Variants in SI observed in about 807,000 individuals in gnomAD.
The protein encoded by SI is sucrase-isomaltase.
SI carries 235 observed loss-of-function variants against 253.3 expected under a neutral mutation model. The ratio of observed to expected loss-of-function variants is 0.93; its 90% CI spans 0.83 to 1.03. The LOEUF is 1.03. Among genes scored for constraint, SI ranks in the 50% least tolerant of loss-of-function variants. The probability of loss-of-function intolerance (pLI) is 0.00; values close to 1 mark genes in which losing one functional copy is unlikely to be tolerated. For synonymous variants in SI, 819 were observed against 712.0 expected, an observed-to-expected ratio of 1.15 and a Z score of -2.39; for missense variants, 2,442 against 2,211.1, an observed-to-expected ratio of 1.10 and a Z score of -2.09.
chr3:165,051,207 T>C (rs1244662853), intron 13 of SI, among the ~76,000 whole-genome samples: 2 of 152,030 alleles, frequency 1.3e-5, no homozygotes, highest in African/African-American at 4.8e-5. Flanking sequence ...CTCAAAATAT[T>C]CTCATAAAAG....
In SI at chr3:165,069,076, A is replaced by G; in HGVS notation, c.373+2T>C. On this transcript the variant is annotated splice_donor_variant, in intron 4 of 47. Coordinates refer to ENST00000264382, the MANE Select transcript of SI (RefSeq NM_001041.4). LOFTEE classifies it high-confidence loss of function. The stretch of plus-strand genomic sequence containing the variant: ...GAATCATTATAACAGAGGACTTCTT[A>G]CCAATACTTGTTGTTGTCATGTCTT... The G allele has an allele frequency of 6.3e-7, 1 of 1,584,674 alleles. No individual in the cohort carries two copies.
chr3:165,062,209 GA>G (rs1018752692), intron 9 of SI, among the ~76,000 whole-genome samples, 161 bp downstream of exon 9: 42 of 144,740 alleles, frequency 2.9e-4, no homozygotes, highest in Admixed American at 6.9e-4. Flanking sequence ...TTGTATAGGG[GA>G]AAAAAAAAAC....
At position 165,049,772 on chromosome 3, in the gene SI, A is replaced by G. The variant is rs912148718; in HGVS notation, c.1597+19T>C. ...TATTCTCAATTAAAACAGTAATTAG[A>G]TAACCAAATAAATTTTACCAGGAGT... On this transcript the variant is annotated intron_variant, in intron 14 of 47. Transcript: ENST00000264382. The G allele has an allele frequency of 6.6e-6, 9 of 1,364,942 alleles. No homozygotes were observed. In the Admixed American group the frequency reaches 6.7e-5, roughly 10 times the overall value. The allele number at this position is 1,364,942 out of a possible 1,614,324, so 84.6% of individuals were successfully genotyped here.
Position 165,047,022 on chromosome 3 carries a change from A to C in SI, c.1716-10T>G. 1 of 1,547,672 alleles carries C rather than the reference A, an allele frequency of 6.5e-7. No individual in the cohort carries two copies. Among genetic ancestry groups the C allele is most frequent in the South Asian group, 1.2e-5 (1 of 86,058 alleles). On this transcript the variant is annotated splice_polypyrimidine_tract_variant and intron_variant, in intron 15 of 47. Transcript: ENST00000264382. Reference sequence around the variant, plus strand: ...AACTTTTTGTACAGCTCTAAAAATAAAACCAAATTAACAAATACAATTTAT... The same window carrying C: ...AACTTTTTGTACAGCTCTAAAAATACAACCAAATTAACAAATACAATTTAT...
chr3:165,032,824 A>G, intron 23 of SI, 132 bp from the exon 24 acceptor site: 1 of 590,448 alleles, frequency 1.7e-6, no homozygotes. Context: ...TCATCCAAGT[A>G]GCACATAGAA....
At chr3:165,082,077 G>A (rs936972469), upstream of SI, among the ~76,000 whole-genome samples, 6 of 151,836 alleles carry the variant, frequency 4.0e-5, no homozygotes, top group South Asian at 2.1e-4. Context: ...TAGATGTAAC[G>A]ATTCTTAGAA....
At chr3:164,982,619 T>C (rs1717246279) in intron 46 of SI, among the ~76,000 whole-genome samples, 1 of 152,056 alleles carries the variant, frequency 6.6e-6, no homozygotes. Flanking sequence ...TGAGACAGGG[T>C]CTCCCTCTGC....
At chr3:165,008,538 A>C in intron 35 of SI, among the ~76,000 whole-genome samples, 1 of 152,132 alleles carries the variant, frequency 6.6e-6, no homozygotes, top group South Asian at 2.1e-4. Context: ...GATCCAGATG[A>C]CATTCTCAGG....
intron 18 of SI, among the ~76,000 whole-genome samples, chr3:165,040,187 A>C (rs1712747113): frequency 6.7e-6 from 1 of 149,450 alleles, no homozygotes; most frequent in African/African-American, 2.5e-5. Context: ...AGAAGGGGGG[A>C]GTAGAAGAGG....
chr3:164,999,101 A>G (rs1188864640), intron 37 of SI, among the ~76,000 whole-genome samples: 1 of 151,848 alleles, frequency 6.6e-6, no homozygotes, highest in Non-Finnish European at 1.5e-5. Context: ...TGTGCAGACA[A>G]TGCCTACTAT....
chr3:165,061,705 T>C (rs977075376), intron 9 of SI, among the ~76,000 whole-genome samples: 1 of 151,926 alleles, frequency 6.6e-6, no homozygotes, highest in Admixed American at 6.6e-5. Flanking sequence ...ATATCAACAG[T>C]GAAAAGAGAG....
chr3:165,081,373 A>G (rs934840231), upstream of SI, among the ~76,000 whole-genome samples: 6 of 152,100 alleles, frequency 3.9e-5, no homozygotes, highest in African/African-American at 7.2e-5. Flanking sequence ...ATTGACACCT[A>G]GTGTAATTAG....
Position 164,991,405 on chromosome 3 carries a change from G to A in SI, c.5056C>T (p.Arg1686Cys), listed in dbSNP as rs754764621. ...ASYDTINLHV[R>C]GGHILPCQEP... ...TGACATGGTAGGATGTGACCACCAC[G>A]GACATGTAGGTTTATTGTGTCATAA... The change falls in exon 44 of 48, where the codon CGT becomes TGT. Residue 1686 changes from arginine (R) to cysteine (C), a missense_variant. By Grantham distance (180) the Arg-to-Cys change is radical. Coordinates refer to ENST00000264382, the MANE Select transcript of SI (RefSeq NM_001041.4). 8.1e-6 allele frequency: 13 copies of A among 1,613,368 alleles called. No homozygotes were observed. Among genetic ancestry groups the A allele is most frequent in the African/African-American group, 1.3e-5 (1 of 74,870 alleles).
intron 12 of SI, among the ~76,000 whole-genome samples, chr3:165,055,514 G>A (rs9857996): frequency 0.58 from 88,349 of 151,588 alleles, 26,127 homozygotes; most frequent in East Asian, 0.81. Flanking sequence ...AAATCATGAA[G>A]CATTTAGGAA....
rs1291880028 is a variant in SI, at chr3:165,041,057, A to G, written c.2042T>C (p.Leu681Ser). Residue 681 changes from leucine (L) to serine (S), a missense_variant, in exon 18 of 48, where the codon TTG (leucine) becomes TCG (serine). By Grantham distance (145) the Leu-to-Ser change is moderately radical. Transcript: ENST00000264382. ...TAAATACTGCCTTGATGATTTAACC[A>G]AAAGTGAATTCTGCCCAAAAAATGC... ...DPAFFGQNSLLVKSSRQYLTI... is the reference protein window; with the variant it reads ...DPAFFGQNSLSVKSSRQYLTI... 2 of 1,612,964 alleles carry G rather than the reference A, an allele frequency of 1.2e-6. No individual in the cohort carries two copies. Among genetic ancestry groups the G allele is most frequent in the Non-Finnish European group, 1.7e-6 (2 of 1,179,288 alleles).
At chr3:165,037,498 T>G (rs1273422280) in intron 21 of SI, among the ~76,000 whole-genome samples, 3 of 151,974 alleles carry the variant, frequency 2.0e-5, no homozygotes, top group Admixed American at 1.3e-4. Flanking sequence ...TTTATGAACT[T>G]AAAGCATTTT....
chr3:165,060,372 G>C (rs1713927120), intron 9 of SI, among the ~76,000 whole-genome samples: 1 of 151,768 alleles, frequency 6.6e-6, no homozygotes, highest in African/African-American at 2.4e-5. Context: ...AATAACAAAA[G>C]GGAAAATTTT....
At chr3:164,996,918 A>C in intron 38 of SI, 146 bp from the exon 39 acceptor site, 30 of 475,846 alleles carry the variant, frequency 6.3e-5, no homozygotes, top group Non-Finnish European at 1.0e-4. Context: ...TAATTATCTC[A>C]TAATGCTTCT....
At chr3:165,087,666 G>A in the SI span, among the ~76,000 whole-genome samples, 1 of 152,046 alleles carries the variant, frequency 6.6e-6, no homozygotes, top group East Asian at 1.9e-4. Context: ...ACCATTTCCA[G>A]GCATAAGTTT....
Sources: allele counts gnomAD v4.1 joint callset (sites outside exome capture counted in the v4.1 genomes callset), GRCh38; gene constraint gnomAD v4.1.1; transcripts MANE v1.5; gene names NCBI Gene and HGNC (gene_info 2026-07-23, HGNC 2026-07-21).